Variants in SLC11A2 observed in about 807,000 individuals in gnomAD.
SLC11A2 encodes natural resistance-associated macrophage protein 2.
Under a neutral mutation model 68.0 loss-of-function variants are expected in SLC11A2, and 38 were observed. The observed-to-expected ratio is 0.56, with a 90% CI of 0.43 to 0.73. The LOEUF (loss-of-function observed/expected upper bound fraction) is 0.73, where lower values mean the gene tolerates loss of function less well. SLC11A2 is among the 30% of genes least tolerant of loss of function. The probability of loss-of-function intolerance (pLI) is 0.00; values close to 1 mark genes in which losing one functional copy is unlikely to be tolerated. For synonymous variants in SLC11A2, 242 were observed against 250.6 expected, an observed-to-expected ratio of 0.97 and a Z score of 0.32; for missense variants, 517 against 690.5, an observed-to-expected ratio of 0.75 and a Z score of 2.82.
intron 3 of SLC11A2, 45 bp downstream of exon 3, chr12:51,008,431 T>G: frequency 6.4e-7 from 1 of 1,565,550 alleles, no homozygotes; most frequent in Non-Finnish European, 8.8e-7. Context: ...CACTCACAGG[T>G]TTTCCCCAGA....
intron 11 of SLC11A2, 87 bp from the exon 12 acceptor site, chr12:50,993,016 CCTT>C (rs1941326269): frequency 1.3e-6 from 2 of 1,527,068 alleles, no homozygotes; most frequent in Non-Finnish European, 1.8e-6. Flanking sequence ...GGCATTTCTC[CCTT>C]CTTTGCTATG....
intron 4 of SLC11A2, 94 bp from the exon 5 acceptor site, chr12:51,005,001 C>G: frequency 2.8e-6 from 4 of 1,435,666 alleles, no homozygotes; most frequent in Non-Finnish European, 3.9e-6. Context: ...GTGGTAAATA[C>G]TGCATTCAGA....
intron 14 of SLC11A2, 26 bp downstream of exon 14, chr12:50,991,573 T>C (rs750109846): frequency 3.8e-6 from 6 of 1,597,266 alleles, no homozygotes; most frequent in African/African-American, 2.7e-5. Flanking sequence ...AGCATCCCCT[T>C]TGGGAACGAA....
At chr12:51,014,685 T>C (rs1308056036) in intron 1 of SLC11A2, among the ~76,000 whole-genome samples, 1 of 151,242 alleles carries the variant, frequency 6.6e-6, no homozygotes, top group Non-Finnish European at 1.5e-5. Flanking sequence ...AAACCCCGTC[T>C]CTACTAAAAA....
rs779542996 is a variant in SLC11A2 at position 50,988,435 on chromosome 12, C to A, written c.1576G>T (p.Gly526Cys). The stretch of plus-strand genomic sequence containing the variant: ...CCCAGTGCAATCAAACATTGCCAAC[C>A]CTGAAAGACAAAATATGGTCATCAC... ...VAYLGFVFYL[G>C]WQCLIALGMS... The change falls in exon 16 of 16, where the codon GGT (glycine) becomes TGT (cysteine). Residue 526 changes from glycine (G) to cysteine (C), a missense_variant and splice_region_variant. Coordinates refer to ENST00000262052, the MANE Select transcript of SLC11A2 (RefSeq NM_000617.3). 5 of 1,613,888 alleles carry A rather than the reference C, an allele frequency of 3.1e-6. No individual in the cohort carries two copies. The Admixed American group carries it at 8.3e-5, about 27-fold the overall frequency.
In SLC11A2 at chr12:50,992,890, A is replaced by AAT; in HGVS notation, c.1116_1117insAT (p.Tyr373IlefsTer17). 6.2e-7 allele frequency: 1 copy of AAT among 1,614,070 alleles called. No homozygotes were observed. Among genetic ancestry groups the AAT allele is most frequent in the Non-Finnish European group, 8.5e-7 (1 of 1,179,982 alleles). ...GCCAGGATCCCCACTGCCCAAATGT[A>AAT]GAGTGCAGCAGGCCCAAAGTAACAT... On this transcript the variant is annotated frameshift_variant, in exon 12 of 16. Coordinates refer to ENST00000262052, the MANE Select transcript of SLC11A2 (RefSeq NM_000617.3). LOFTEE classifies it high-confidence loss of function.
chr12:51,025,383 T>G (rs1212288556), intron 1 of SLC11A2, among the ~76,000 whole-genome samples: 1 of 152,150 alleles, frequency 6.6e-6, no homozygotes. Flanking sequence ...TTTAAGTACG[T>G]GGAACAAAAG....
In SLC11A2 at chr12:50,996,968, A is replaced by G. The variant is rs745901974; in HGVS notation, c.680T>C (p.Val227Ala). ...IMALTFGYEYVTVKPSQSQVL... is the reference protein window; with the variant it reads ...IMALTFGYEYATVKPSQSQVL... ...CTGGCTCTGGCTGGGTTTCACTGTA[A>G]CATACTACATACCAACATAACAATG... is the stretch of plus-strand genomic sequence containing the variant. Residue 227 changes from valine to alanine, a missense_variant, in exon 9 of 16, where the codon GTT (valine) becomes GCT (alanine). Transcript: ENST00000262052. 1 of 1,613,768 alleles carries G rather than the reference A, an allele frequency of 6.2e-7. No homozygotes were observed. Among genetic ancestry groups the G allele is most frequent in the South Asian group, 1.1e-5 (1 of 91,084 alleles).
At chr12:50,960,210 A>T in the SLC11A2 span, among the ~76,000 whole-genome samples, 1 of 152,108 alleles carries the variant, frequency 6.6e-6, no homozygotes, top group Admixed American at 6.5e-5. Context: ...ATACCTTTTC[A>T]TCTCTCACTA....
chr12:50,963,369 C>CAAAAAAAAAAAAAAAAA, the SLC11A2 span, among the ~76,000 whole-genome samples: 2 of 72,400 alleles, frequency 2.8e-5, no homozygotes, highest in Non-Finnish European at 5.4e-5. Context: ...GACTCCATCT[C>CAAAAAAAAAAAAAAAAA]AAAAAAAAAA....
intron 5 of SLC11A2, among the ~76,000 whole-genome samples, chr12:51,001,589 A>C: frequency 6.9e-6 from 1 of 144,430 alleles, no homozygotes; most frequent in Non-Finnish European, 1.5e-5. Context: ...CTTTCACAAA[A>C]AAAAAAAAAA....
intron 12 of SLC11A2, 63 bp downstream of exon 12, chr12:50,992,747 G>T: frequency 1.1e-5 from 11 of 959,922 alleles, no homozygotes; most frequent in Non-Finnish European, 1.6e-5. Context: ...AAAAAAAAAA[G>T]AAGAAGAAGA....
chr12:50,965,861 T>G, the SLC11A2 span, among the ~76,000 whole-genome samples: 1 of 152,238 alleles, frequency 6.6e-6, no homozygotes, highest in South Asian at 2.1e-4. Flanking sequence ...CTTAAGGGGA[T>G]CTGGCTCCCT....
intron 3 of SLC11A2, among the ~76,000 whole-genome samples, chr12:51,007,911 G>A (rs1207629365): frequency 2.6e-5 from 4 of 152,232 alleles, no homozygotes; most frequent in African/African-American, 7.2e-5. Context: ...AAAGTGCTGG[G>A]ATTACAGGTG....
At chr12:51,003,550 TC>T (rs1942455776) in intron 5 of SLC11A2, among the ~76,000 whole-genome samples, 1 of 146,204 alleles carries the variant, frequency 6.8e-6, no homozygotes, top group Admixed American at 6.8e-5. Flanking sequence ...AGATTCTGTC[TC>T]AAAAAAAAAA....
Position 50,985,995 on chromosome 12 carries a change from G to A in SLC11A2, c.*2330C>T. The A allele has an allele frequency of 8.7e-7, 1 of 1,145,984 alleles. No homozygotes were observed. Among genetic ancestry groups the A allele is most frequent in the Non-Finnish European group, 1.1e-6 (1 of 919,104 alleles). 71.0% of individuals were successfully genotyped at this position (1,145,984 alleles called of 1,614,324 possible). On this transcript the variant is annotated 3_prime_UTR_variant, in exon 16 of 16. Transcript: ENST00000262052. ...AAAAAATACCCAGGAAACCAAATTG[G>A]AAAAAGAAATTTTTTTTTAATTAGA...
chr12:51,022,748 A>G (rs1592459745), intron 1 of SLC11A2, among the ~76,000 whole-genome samples: 1 of 152,318 alleles, frequency 6.6e-6, no homozygotes, highest in Middle Eastern at 3.4e-3. Context: ...GAAACCTGGT[A>G]AAGTTTTAAT....
chr12:50,995,919 A>G, intron 9 of SLC11A2, 132 bp from the exon 10 acceptor site: 2 of 763,808 alleles, frequency 2.6e-6, no homozygotes, highest in Non-Finnish European at 4.6e-6. Flanking sequence ...GAGATCCAAC[A>G]CTCACCTACA....
chr12:50,987,113 G>A lies in SLC11A2; in HGVS notation c.*1212C>T, dbSNP rs769260493. 1.0e-4 allele frequency: 133 copies of A among 1,284,740 alleles called. No homozygotes were observed. The highest frequency in any genetic ancestry group is 1.2e-4 in the Non-Finnish European group (123 of 987,756). 79.6% of individuals were successfully genotyped at this position (1,284,740 alleles called of 1,614,324 possible). The stretch of plus-strand genomic sequence containing the variant: ...GCTGAAGTAAAAGCAGCAGCTTTGT[G>A]CTGAAGACACCCATTTCCTCTGACT... On this transcript the variant is annotated 3_prime_UTR_variant, in exon 16 of 16. Coordinates refer to ENST00000262052, the MANE Select transcript of SLC11A2 (RefSeq NM_000617.3).
Sources: allele counts gnomAD v4.1 joint callset (sites outside exome capture counted in the v4.1 genomes callset), GRCh38; gene constraint gnomAD v4.1.1; transcripts MANE v1.5; gene names NCBI Gene and HGNC (gene_info 2026-07-23, HGNC 2026-07-21).